The following GLIS3 variants were observed in gnomAD, a reference collection of about 807,000 sequenced individuals.
The protein encoded by GLIS3 is GLIS family zinc finger 3.
In GLIS3, 53 loss-of-function variants were observed where a neutral mutation model predicts 78.6. The ratio of observed to expected loss-of-function variants is 0.67; its 90% CI spans 0.54 to 0.85. GLIS3 has a LOEUF of 0.85. Ranked by LOEUF, GLIS3 falls within the 40% of genes least tolerant of loss-of-function variation. The pLI is 0.00. For missense variants in GLIS3, 1,703 were observed against 1,231.1 expected, an observed-to-expected ratio of 1.38 and a Z score of -5.74; for synonymous variants, 684 against 509.9, an observed-to-expected ratio of 1.34 and a Z score of -4.60.
chr9:3,832,131 A>G (rs911120735), intron 9 of GLIS3, among the ~76,000 whole-genome samples: 5 of 151,350 alleles, frequency 3.3e-5, no homozygotes, highest in African/African-American at 4.8e-5. Flanking sequence ...AATAATAGTA[A>G]TTACATCATA....
rs959924966 is a variant in GLIS3, at chr9:4,262,885, G to A, written c.388+23153C>T. ...TAAAACTATGAACTACCTTAAGCCCGTAGTTCACATGGTAGCTGACAGATG... is the reference window on the plus strand; with the variant it reads ...TAAAACTATGAACTACCTTAAGCCCATAGTTCACATGGTAGCTGACAGATG... On this transcript the variant is annotated intron_variant, in intron 2 of 10. Transcript: ENST00000381971. 2.8e-5 allele frequency among the ~76,000 whole-genome samples: 4 copies of A among 143,408 alleles called. No homozygotes were observed. In the South Asian group the frequency reaches 6.5e-4, roughly 23 times the overall value. 94.1% of individuals were successfully genotyped at this position (143,408 alleles called of 152,430 possible).
rs1818924162 is a variant in GLIS3, at chr9:3,977,952, A to G, written c.1711-40763T>C. On this transcript the variant is annotated intron_variant, in intron 4 of 10. Coordinates refer to ENST00000381971, the MANE Select transcript of GLIS3 (RefSeq NM_001042413.2). The surrounding 1 kb of genome is among the most constrained non-coding windows in gnomAD (Gnocchi z 4.1). ...AAATGGTAATATTTCATGACAGCGA[A>G]AGGCCAGTTGACACCGCTGGGTGCA... Among the ~76,000 whole-genome samples, 3 of 152,196 alleles carry G rather than the reference A, an allele frequency of 2.0e-5. No homozygotes were observed. The highest frequency in any genetic ancestry group is 2.0e-4 in the Admixed American group (3 of 15,278).
In GLIS3 at chr9:4,217,491, C is replaced by T. The variant is rs557342307; in HGVS notation, c.388+68547G>A. 2.0e-5 allele frequency among the ~76,000 whole-genome samples: 3 copies of T among 152,256 alleles called. No individual in the cohort carries two copies. In the South Asian group the frequency reaches 6.2e-4, roughly 32 times the overall value. On this transcript the variant is annotated intron_variant, in intron 2 of 10. Coordinates refer to ENST00000381971, the MANE Select transcript of GLIS3 (RefSeq NM_001042413.2). ...AAGTGCACTTATATATAGTATACAG[C>T]ATGGACTACTGTCCATGTGTCTCAA...
the GLIS3 span, among the ~76,000 whole-genome samples, chr9:4,438,632 C>A: frequency 2.6e-5 from 4 of 152,150 alleles, no homozygotes; most frequent in Admixed American, 2.0e-4. Context: ...GTAATAATCC[C>A]CACTTGTCAA....
At chr9:3,892,416 G>T (rs1588163908) in intron 7 of GLIS3, among the ~76,000 whole-genome samples, 2 of 152,156 alleles carry the variant, frequency 1.3e-5, no homozygotes, top group South Asian at 4.1e-4. Flanking sequence ...TGACAATATT[G>T]AGGAAGACAG....
intron 9 of GLIS3, among the ~76,000 whole-genome samples, chr9:3,843,143 C>T (rs1370583800): frequency 6.6e-6 from 1 of 152,180 alleles, no homozygotes; most frequent in African/African-American, 2.4e-5. Context: ...GATCTTGTGG[C>T]TTAGACTTCT....
Position 4,117,826 on chromosome 9 carries a change from C to T in GLIS3, c.1652G>A (p.Arg551His). Residue 551 changes from arginine to histidine, a missense_variant, in exon 4 of 11, where the codon CGC (arginine) becomes CAC (histidine). Coordinates refer to ENST00000381971, the MANE Select transcript of GLIS3 (RefSeq NM_001042413.2). ...TCTCATGTGGATCAGCAGTTTATAG[C>T]GGGCGTTGAAGGGCTTGTATCTTCG... ...CPRRYKPFNARYKLLIHMRVH... is the reference protein window; with the variant it reads ...CPRRYKPFNAHYKLLIHMRVH... The T allele has an allele frequency of 2.5e-6, 4 of 1,614,120 alleles. No homozygotes were observed. The highest frequency in any genetic ancestry group is 3.4e-6 in the Non-Finnish European group (4 of 1,180,022).
chr9:4,269,282 GC>G (rs1275261633), intron 2 of GLIS3, among the ~76,000 whole-genome samples: 1 of 151,978 alleles, frequency 6.6e-6, no homozygotes, highest in Non-Finnish European at 1.5e-5. Flanking sequence ...ACCCCTCCCT[GC>G]CCACAGATAT....
At chr9:4,310,714 A>C (rs1817336925) in intron 2 of GLIS3, among the ~76,000 whole-genome samples, 1 of 152,144 alleles carries the variant, frequency 6.6e-6, no homozygotes, top group African/African-American at 2.4e-5. Flanking sequence ...ACAATGAGCC[A>C]ATCACCCAGG....
chr9:4,418,709 CA>C, the GLIS3 span, among the ~76,000 whole-genome samples: 2,466 of 150,662 alleles, frequency 0.016, 74 homozygotes, highest in African/African-American at 0.058. Context: ...AAAAAACAAA[CA>C]AAAAAAAACA....
intron 4 of GLIS3, among the ~76,000 whole-genome samples, chr9:3,981,047 C>T (rs182198373): frequency 6.6e-5 from 10 of 152,284 alleles, no homozygotes; most frequent in South Asian, 2.1e-4. Context: ...AAGATGAACT[C>T]GGGCAGCAGC....
At chr9:4,011,750 A>G (rs1588448945) in intron 4 of GLIS3, among the ~76,000 whole-genome samples, 1 of 152,142 alleles carries the variant, frequency 6.6e-6, no homozygotes, top group Admixed American at 6.5e-5. Context: ...TAGGCCAGAC[A>G]CCTTACTCTG....
intron 4 of GLIS3, among the ~76,000 whole-genome samples, chr9:4,088,814 C>T (rs996910495): frequency 6.6e-6 from 1 of 152,162 alleles, no homozygotes. Context: ...CATTTTAAAG[C>T]CAAGGCCAAA....
intron 2 of GLIS3, among the ~76,000 whole-genome samples, chr9:4,171,190 G>T (rs1816340899): frequency 6.6e-6 from 1 of 151,994 alleles, no homozygotes; most frequent in Non-Finnish European, 1.5e-5. Flanking sequence ...TGCAGGGATG[G>T]GCATGGCAAT....
the GLIS3 span, among the ~76,000 whole-genome samples, chr9:4,417,436 T>C: frequency 0.018 from 2,804 of 152,352 alleles, 91 homozygotes; most frequent in African/African-American, 0.065. Flanking sequence ...GCTTCACTTT[T>C]TTCTACTTAA....
At chr9:4,027,121 G>A (rs1339521109) in intron 4 of GLIS3, among the ~76,000 whole-genome samples, 3 of 152,158 alleles carry the variant, frequency 2.0e-5, no homozygotes, top group South Asian at 2.1e-4. Context: ...CAACCTGACC[G>A]ACTGCAGTGT....
intron 4 of GLIS3, among the ~76,000 whole-genome samples, chr9:4,083,304 A>G (rs1266606998): frequency 6.6e-6 from 1 of 152,178 alleles, no homozygotes; most frequent in Non-Finnish European, 1.5e-5. Flanking sequence ...TCATTGCACC[A>G]AAGCAGACAT....
rs145924686 is a variant in GLIS3, at chr9:4,280,882, C to A, written c.388+5156G>T. Reference sequence around the variant, plus strand: ...GGAGTGGCCAACCACTAGCAGCAAGCACCTACTGCAGTCTTCTCTGTATAA... The same window carrying A: ...GGAGTGGCCAACCACTAGCAGCAAGAACCTACTGCAGTCTTCTCTGTATAA... On this transcript the variant is annotated intron_variant, in intron 2 of 10. Coordinates refer to ENST00000381971, the MANE Select transcript of GLIS3 (RefSeq NM_001042413.2). 1.2e-4 allele frequency among the ~76,000 whole-genome samples: 18 copies of A among 152,154 alleles called. 2 individuals are homozygous for A. Among genetic ancestry groups the A allele is most frequent in the African/African-American group, 4.1e-4 (17 of 41,510 alleles).
chr9:4,274,166 G>C (rs1163149541), intron 2 of GLIS3, among the ~76,000 whole-genome samples: 1 of 152,122 alleles, frequency 6.6e-6, no homozygotes, highest in Admixed American at 6.5e-5. Context: ...ACTGGACAAT[G>C]GGTCTTGGCC....
Sources: gnomAD v4.1 joint callset for allele counts (sites outside exome capture counted in the v4.1 genomes callset) on GRCh38, gnomAD v4.1.1 for gene constraint, Gnocchi (gnomAD v3.1) non-coding constraint, MANE v1.5 for transcripts, NCBI Gene and HGNC (gene_info 2026-07-23, HGNC 2026-07-21) for gene names.